Variants in TBC1D16 observed in about 807,000 individuals in gnomAD.
The protein encoded by TBC1D16 is CTD-2529O21.1.
Under a neutral mutation model 74.7 loss-of-function variants are expected in TBC1D16, and 58 were observed. The ratio of observed to expected loss-of-function variants is 0.78; its 90% CI spans 0.63 to 0.97. TBC1D16 has a LOEUF of 0.97. Among genes scored for constraint, TBC1D16 ranks in the 50% least tolerant of loss-of-function variants. The pLI, the probability that TBC1D16 is intolerant of heterozygous loss-of-function variation, is 0.00. For missense variants in TBC1D16, 1,014 were observed against 1,079.5 expected (o/e 0.94, Z 0.85); for synonymous variants, 493 against 474.7 (o/e 1.04, Z -0.50).
At chr17:79,948,413 G>A (rs2032746634) in intron 8 of TBC1D16, among the ~76,000 whole-genome samples, 1 of 152,172 alleles carries the variant, frequency 6.6e-6, no homozygotes, top group Non-Finnish European at 1.5e-5. Flanking sequence ...TTTTCTGAAG[G>A]GTGGACTGCC....
intron 4 of TBC1D16, 122 bp downstream of exon 4, chr17:79,952,535 G>A: frequency 1.6e-6 from 2 of 1,263,352 alleles, no homozygotes; most frequent in African/African-American, 3.0e-5. Context: ...GCAGACGCTT[G>A]GGAAGACTCC....
At chr17:80,034,632 T>C (rs1185363968) in intron 1 of TBC1D16, among the ~76,000 whole-genome samples, 1 of 152,266 alleles carries the variant, frequency 6.6e-6, no homozygotes, top group African/African-American at 2.4e-5. Context: ...TTGTAGTTAA[T>C]ACCAAAAGTT....
In TBC1D16 at chr17:80,008,105, A is replaced by C. The variant is rs1014692311; in HGVS notation, c.779+2055T>G. ...CCCCGGGTGAGAATCACTGCTCTAG[A>C]AGAACCTGGAGGGACCTGGGCATCA... On this transcript the variant is annotated intron_variant, in intron 3 of 11. Transcript: ENST00000310924. The surrounding 1 kb of genome is among the most constrained non-coding windows in gnomAD (Gnocchi z 4.5). Among the ~76,000 whole-genome samples the C allele has an allele frequency of 3.3e-5, 5 of 151,922 alleles. No individual in the cohort carries two copies. Among genetic ancestry groups the C allele is most frequent in the Non-Finnish European group, 7.4e-5 (5 of 67,982 alleles).
rs774603693 is a variant in TBC1D16 at position 79,949,706 on chromosome 17, C to T, written c.1406+11G>A. 1.2e-6 allele frequency: 2 copies of T among 1,602,672 alleles called. No homozygotes were observed. Among genetic ancestry groups the T allele is most frequent in the Admixed American group, 1.7e-5 (1 of 59,406 alleles). On this transcript the variant is annotated intron_variant, in intron 7 of 11. Transcript: ENST00000310924. ...CTCGGCGGGGTGGGCCGGGCTGGCC[C>T]CGGCGGTTACCTTTTCTGCTGGATC... is the stretch of plus-strand genomic sequence containing the variant.
intron 9 of TBC1D16, among the ~76,000 whole-genome samples, chr17:79,946,401 C>T (rs2032542983): frequency 6.6e-6 from 1 of 152,184 alleles, no homozygotes; most frequent in African/African-American, 2.4e-5. Context: ...CGGGAATGCT[C>T]GCTGGCCCGT....
At chr17:80,006,112 G>C (rs1484881286) in intron 3 of TBC1D16, among the ~76,000 whole-genome samples, 1 of 152,174 alleles carries the variant, frequency 6.6e-6, no homozygotes, top group Admixed American at 6.5e-5. Context: ...CAACACCCCT[G>C]CCTGGCGGGA....
rs1364546802 is a variant in TBC1D16, at chr17:79,975,115, C to T, written c.780-22297G>A. On this transcript the variant is annotated intron_variant, in intron 3 of 11. Transcript: ENST00000310924. The surrounding 1 kb of genome is among the most constrained non-coding windows in gnomAD (Gnocchi z 4.5). ...CGTTACTTGCAAGGCCACAAACACC[C>T]GGAACAATCCGCCAGGCCGCGTCAC... Among the ~76,000 whole-genome samples, 2 of 152,368 alleles carry T rather than the reference C, an allele frequency of 1.3e-5. No homozygotes were observed. The highest frequency in any genetic ancestry group is 2.1e-4 in the South Asian group (1 of 4,824).
rs2032943195 is a variant in TBC1D16 at position 79,950,327 on chromosome 17, A to C, written c.1257+84T>G. 1 of 1,449,870 alleles carries C rather than the reference A, an allele frequency of 6.9e-7. No individual in the cohort carries two copies. Among genetic ancestry groups the C allele is most frequent in the Non-Finnish European group, 9.1e-7 (1 of 1,102,564 alleles). 89.8% of individuals were successfully genotyped at this position (1,449,870 alleles called of 1,614,324 possible). A position where few individuals can be genotyped will look rare whatever the true frequency, so the allele number is the denominator to read the frequency against. ...GGCCCGTGGGTGCGGGCGGGCGGCC[A>C]GGCCCCGGCCCTCCTTCCCTCTCGC... On this transcript the variant is annotated intron_variant, in intron 6 of 11. Transcript: ENST00000310924. The surrounding 1 kb of genome is among the most constrained non-coding windows in gnomAD (Gnocchi z 4.6).
chr17:80,007,760 C>A lies in TBC1D16; in HGVS notation c.779+2400G>T, dbSNP rs1224299533. On this transcript the variant is annotated intron_variant, in intron 3 of 11. Transcript: ENST00000310924. This position sits in a 1 kb window ranked among gnomAD's most constrained non-coding sequence, Gnocchi z 4.5. The stretch of plus-strand genomic sequence containing the variant: ...AGCCAAAGGCATGAGGCAGAGAGAG[C>A]CCCACAAGATCTAGAGGCAGAGAGG... 6.6e-6 allele frequency among the ~76,000 whole-genome samples: 1 copy of A among 152,114 alleles called. No homozygotes were observed. The highest frequency in any genetic ancestry group is 1.5e-5 in the Non-Finnish European group (1 of 68,014).
rs191073068 is a variant in TBC1D16 at position 79,969,873 on chromosome 17, C to T, written c.780-17055G>A. Among the ~76,000 whole-genome samples, 757 of 152,016 alleles carry T rather than the reference C, an allele frequency of 5.0e-3. 13 individuals are homozygous for T. Among genetic ancestry groups the T allele is most frequent in the Admixed American group, 0.039 (596 of 15,274 alleles). ...AGGAGAATCGCTTGAACCCGGGAGGCGGAGGTTGCAGTGAGCCGAGATCAC... is the reference window on the plus strand; with the variant it reads ...AGGAGAATCGCTTGAACCCGGGAGGTGGAGGTTGCAGTGAGCCGAGATCAC... On this transcript the variant is annotated intron_variant, in intron 3 of 11. Transcript: ENST00000310924.
In TBC1D16 at chr17:79,944,863, G is replaced by T; in HGVS notation, c.1908+45C>A. ...GGCAGGGTGGCCACGGTGGTTCAGGGGCCATGGTCCCAACCTCCCCAGCCC... is the reference window on the plus strand; with the variant it reads ...GGCAGGGTGGCCACGGTGGTTCAGGTGCCATGGTCCCAACCTCCCCAGCCC... On this transcript the variant is annotated intron_variant, in intron 10 of 11. Transcript: ENST00000310924. The surrounding 1 kb of genome is among the most constrained non-coding windows in gnomAD (Gnocchi z 7.7). 6.7e-7 allele frequency: 1 copy of T among 1,503,498 alleles called. No homozygotes were observed. The highest frequency in any genetic ancestry group is 8.9e-7 in the Non-Finnish European group (1 of 1,121,498). 93.1% of individuals were successfully genotyped at this position (1,503,498 alleles called of 1,614,324 possible).
intron 2 of TBC1D16, among the ~76,000 whole-genome samples, chr17:80,012,715 A>G (rs1460722702): frequency 6.6e-6 from 1 of 152,036 alleles, no homozygotes; most frequent in Non-Finnish European, 1.5e-5. Flanking sequence ...CCAGATGACA[A>G]CTTTACTATT....
At position 80,035,708 on chromosome 17, in the gene TBC1D16, C is replaced by A. The variant is rs1405816391; in HGVS notation, c.-63+87G>T. 6.8e-6 allele frequency: 1 copy of A among 147,930 alleles called. No homozygotes were observed. Among genetic ancestry groups the A allele is most frequent in the Non-Finnish European group, 1.5e-5 (1 of 66,384 alleles). 9.2% of individuals were successfully genotyped at this position (147,930 alleles called of 1,614,324 possible). A position where few individuals can be genotyped will look rare whatever the true frequency, so the allele number is the denominator to read the frequency against. ...CCCCACGCGCCCCGCGCGCCCCCGC[C>A]CCAGCTCCGCCGAGGGGGCGCTGCT... On this transcript the variant is annotated intron_variant, in intron 1 of 11. Transcript: ENST00000310924. This position sits in a 1 kb window ranked among gnomAD's most constrained non-coding sequence, Gnocchi z 5.3.
At chr17:79,943,844 C>T (rs577758652) in intron 10 of TBC1D16, 131 of 1,373,976 alleles carry the variant, frequency 9.5e-5, no homozygotes, top group South Asian at 4.4e-4. Flanking sequence ...GGAATGAGGG[C>T]GGCAAATCTG....
rs971787987 is a variant in TBC1D16, at chr17:80,013,582, G to A, written c.-35C>T. 23 of 1,459,390 alleles carry A rather than the reference G, an allele frequency of 1.6e-5. No individual in the cohort carries two copies. Among genetic ancestry groups the A allele is most frequent in the Middle Eastern group, 2.3e-4 (1 of 4,308 alleles). 90.4% of individuals were successfully genotyped at this position (1,459,390 alleles called of 1,614,324 possible). On this transcript the variant is annotated 5_prime_UTR_variant, in exon 2 of 12. Transcript: ENST00000310924. ...AGTGTTTCCATCCTCCGCATGCGTC[G>A]GCCCGGGCAGGGCTCGTCAAGACCT...
chr17:79,963,291 G>C (rs1467803805), intron 3 of TBC1D16, among the ~76,000 whole-genome samples: 1 of 151,472 alleles, frequency 6.6e-6, no homozygotes, highest in Non-Finnish European at 1.5e-5. Context: ...TCAACTGTCT[G>C]TCTCAATGAA....
intron 1 of TBC1D16, among the ~76,000 whole-genome samples, chr17:80,027,875 C>G (rs55701908): frequency 8.0e-6 from 1 of 125,476 alleles, no homozygotes; most frequent in African/African-American, 3.0e-5. Context: ...CTGGGCAACA[C>G]GGCAAGACTC....
At chr17:80,022,988 G>A (rs575417575) in intron 1 of TBC1D16, among the ~76,000 whole-genome samples, 3 of 150,022 alleles carry the variant, frequency 2.0e-5, no homozygotes, top group Non-Finnish European at 4.4e-5. Context: ...TGCCTTGGCC[G>A]TGACCCGGAG....
At position 79,963,244 on chromosome 17, in the gene TBC1D16, G is replaced by A. The variant is rs367837561; in HGVS notation, c.780-10426C>T. Among the ~76,000 whole-genome samples the A allele has an allele frequency of 6.7e-5, 10 of 149,984 alleles. No individual in the cohort carries two copies. In the South Asian group the frequency reaches 8.5e-4, roughly 13 times the overall value. ...AAAAAAAAAGCAAAAAAAAAAGCCCGATAACTTCCCATTCCCCCCTCACAC... is the reference window on the plus strand; with the variant it reads ...AAAAAAAAAGCAAAAAAAAAAGCCCAATAACTTCCCATTCCCCCCTCACAC... On this transcript the variant is annotated intron_variant, in intron 3 of 11. Transcript: ENST00000310924.
Sources: allele counts gnomAD v4.1 joint callset (sites outside exome capture counted in the v4.1 genomes callset), GRCh38; gene constraint gnomAD v4.1.1; non-coding constraint Gnocchi (gnomAD v3.1); transcripts MANE v1.5; gene names NCBI Gene and HGNC (gene_info 2026-07-23, HGNC 2026-07-21).